ELAPOR2: variants seen among roughly 807,000 people sequenced by gnomAD.
The protein encoded by ELAPOR2 is endosome-lysosome associated apoptosis and autophagy regulator family member 2.
Under a neutral mutation model 120.7 loss-of-function variants are expected in ELAPOR2, and 89 were observed. That is an observed-to-expected ratio of 0.74 (90% confidence interval 0.62 to 0.88). The LOEUF (loss-of-function observed/expected upper bound fraction) is 0.88. Among genes scored for constraint, ELAPOR2 ranks in the 40% least tolerant of loss-of-function variants. ELAPOR2 has a pLI of 0.00. For synonymous variants in ELAPOR2, 444 were observed against 444.9 expected, an observed-to-expected ratio of 1.00 and a Z score of 0.03; for missense variants, 1,134 against 1,251.6, an observed-to-expected ratio of 0.91 and a Z score of 1.42.
chr7:87,019,381 C>A (rs1266343817), intron 1 of ELAPOR2, among the ~76,000 whole-genome samples: 1 of 152,122 alleles, frequency 6.6e-6, no homozygotes. Flanking sequence ...CTAGGCTGGT[C>A]TTGAACTCCT....
intron 8 of ELAPOR2, among the ~76,000 whole-genome samples, chr7:86,934,906 C>T (rs1490225872): frequency 1.3e-5 from 2 of 151,938 alleles, no homozygotes; most frequent in Non-Finnish European, 2.9e-5. Context: ...ACTTTCCTCC[C>T]CCTCCATCTT....
intron 2 of ELAPOR2, among the ~76,000 whole-genome samples, chr7:86,950,028 C>T (rs763889110): frequency 1.2e-4 from 19 of 152,178 alleles, no homozygotes; most frequent in Non-Finnish European, 1.9e-4. Flanking sequence ...TGCCCATGGC[C>T]GCCCATTGAC....
Position 86,880,492 on chromosome 7 carries a change from G to A in ELAPOR2, c.3069C>T (p.Thr1023=), listed in dbSNP as rs771196055. 1.2e-6 allele frequency: 2 copies of A among 1,609,790 alleles called. No individual in the cohort carries two copies. Among genetic ancestry groups the A allele is most frequent in the Admixed American group, 1.7e-5 (1 of 59,904 alleles). Residue 1023 remains threonine (T), a synonymous_variant, in exon 22 of 22, where the codon ACC becomes ACT. Coordinates refer to ENST00000450689, the MANE Select transcript of ELAPOR2 (RefSeq NM_001142749.3). ...EDHFESVQLK[T]SRSPNI Reference sequence around the variant, plus strand: ...CTCTTCATATATTTGGGGATCTTGAGGTTTTCAGTTGAACAGATTCAAAAT... The same window carrying A: ...CTCTTCATATATTTGGGGATCTTGAAGTTTTCAGTTGAACAGATTCAAAAT...
At chr7:86,934,043 A>T (rs549335838) in intron 8 of ELAPOR2, among the ~76,000 whole-genome samples, 52 of 152,150 alleles carry the variant, frequency 3.4e-4, no homozygotes, top group South Asian at 1.7e-3. Flanking sequence ...TCAACTCAGT[A>T]CTTAAGATAA....
intron 1 of ELAPOR2, among the ~76,000 whole-genome samples, chr7:87,058,547 G>C (rs904657701): frequency 6.6e-6 from 1 of 152,056 alleles, no homozygotes; most frequent in Non-Finnish European, 1.5e-5. Flanking sequence ...ACACTGTCTC[G>C]TTCTTCTAAA....
At chr7:86,946,124 G>C (rs900636829) in intron 3 of ELAPOR2, among the ~76,000 whole-genome samples, 2 of 148,744 alleles carry the variant, frequency 1.3e-5, no homozygotes, top group Non-Finnish European at 3.0e-5. Context: ...TTATCCAGCA[G>C]GGAAATGCAA....
rs565789667 is a variant in ELAPOR2, at chr7:86,982,893, C to G, written c.190-17869G>C. 8.4e-5 allele frequency among the ~76,000 whole-genome samples: 11 copies of G among 130,428 alleles called. No individual in the cohort carries two copies. In the South Asian group the frequency reaches 2.4e-3, roughly 29 times the overall value. The allele number at this position is 130,428 out of a possible 152,430, so 85.6% of individuals were successfully genotyped here. A position where few individuals can be genotyped will look rare whatever the true frequency, so the allele number is the denominator to read the frequency against. ...GTCAGTAATACCAAACTTCTCCGAGCTAAAGGAGGATTTCAAACCCATCGC... is the reference window on the plus strand; with the variant it reads ...GTCAGTAATACCAAACTTCTCCGAGGTAAAGGAGGATTTCAAACCCATCGC... On this transcript the variant is annotated intron_variant, in intron 1 of 21. Coordinates refer to ENST00000450689, the MANE Select transcript of ELAPOR2 (RefSeq NM_001142749.3).
At chr7:86,905,134 A>G (rs1156712791) in intron 18 of ELAPOR2, among the ~76,000 whole-genome samples, 64 of 122,832 alleles carry the variant, frequency 5.2e-4, no homozygotes, top group East Asian at 2.9e-3. Flanking sequence ...AAGGAAAGAA[A>G]GAAAAGAAAA....
intron 1 of ELAPOR2, among the ~76,000 whole-genome samples, chr7:86,988,445 T>C (rs77149046): frequency 0.027 from 4,077 of 152,310 alleles, 78 homozygotes; most frequent in Non-Finnish European, 0.043. Flanking sequence ...ATTTACATTG[T>C]ATTAGGTATT....
chr7:86,901,604 A>G (rs528702381), intron 18 of ELAPOR2, among the ~76,000 whole-genome samples: 1 of 152,348 alleles, frequency 6.6e-6, no homozygotes, highest in African/African-American at 2.4e-5. Context: ...CATATTGTCA[A>G]TATGTTTCTG....
intron 2 of ELAPOR2, among the ~76,000 whole-genome samples, chr7:86,948,507 G>C (rs1427926633): frequency 6.6e-6 from 1 of 152,090 alleles, no homozygotes; most frequent in Non-Finnish European, 1.5e-5. Flanking sequence ...ATAAAATGCT[G>C]ATCCAATGAG....
At chr7:87,015,650 T>G (rs866454670) in intron 1 of ELAPOR2, among the ~76,000 whole-genome samples, 1 of 151,966 alleles carries the variant, frequency 6.6e-6, no homozygotes, top group African/African-American at 2.4e-5. Flanking sequence ...TACTTGGGCA[T>G]GGTGGCGGGC....
chr7:86,927,011 G>A, intron 8 of ELAPOR2, 95 bp from the exon 9 acceptor site: 1 of 1,181,268 alleles, frequency 8.5e-7, no homozygotes. Flanking sequence ...TACAAATGGT[G>A]ACAGAATAGA....
chr7:86,891,575 T>C, intron 21 of ELAPOR2, 149 bp downstream of exon 21: 1 of 591,482 alleles, frequency 1.7e-6, no homozygotes, highest in Non-Finnish European at 2.9e-6. Flanking sequence ...TGTATCTATA[T>C]CATGTGCTTC....
intron 2 of ELAPOR2, among the ~76,000 whole-genome samples, chr7:86,955,870 G>C (rs1791448404): frequency 6.6e-6 from 1 of 150,610 alleles, no homozygotes; most frequent in Non-Finnish European, 1.5e-5. Flanking sequence ...TTACCATGCA[G>C]CCAGAAGATT....
chr7:86,980,211 T>G (rs1304749315), intron 1 of ELAPOR2, among the ~76,000 whole-genome samples: 1 of 152,228 alleles, frequency 6.6e-6, no homozygotes, highest in Non-Finnish European at 1.5e-5. Flanking sequence ...GAATAAATAG[T>G]GCCTTTGAAT....
chr7:86,923,294 C>T (rs1388047850), intron 10 of ELAPOR2, among the ~76,000 whole-genome samples: 1 of 151,788 alleles, frequency 6.6e-6, no homozygotes, highest in Non-Finnish European at 1.5e-5. Context: ...ATTAGAATGT[C>T]CCCAACATTA....
In ELAPOR2 at chr7:86,912,933, C is replaced by A. The variant is rs760924570; in HGVS notation, c.1995+8G>T. On this transcript the variant is annotated splice_region_variant and intron_variant, in intron 14 of 21. Transcript: ENST00000450689. The stretch of plus-strand genomic sequence containing the variant: ...TCATGGGGATACCTGAAATGCAGAC[C>A]CACTTACCTGATTGTTTTTACTCCC... 6.2e-7 allele frequency: 1 copy of A among 1,613,024 alleles called. No individual in the cohort carries two copies. The highest frequency in any genetic ancestry group is 8.5e-7 in the Non-Finnish European group (1 of 1,179,300).
chr7:86,883,067 A>G (rs1799496194), intron 21 of ELAPOR2, among the ~76,000 whole-genome samples: 1 of 148,182 alleles, frequency 6.7e-6, no homozygotes, highest in Non-Finnish European at 1.5e-5. Context: ...TGTGTGAAAG[A>G]CATGTGTCCT....
Sources: gnomAD v4.1 joint callset for allele counts (sites outside exome capture counted in the v4.1 genomes callset) on GRCh38, gnomAD v4.1.1 for gene constraint, MANE v1.5 for transcripts, NCBI Gene and HGNC (gene_info 2026-07-23, HGNC 2026-07-21) for gene names.